Variants in SUN1 observed in about 807,000 individuals in gnomAD.
SUN1 encodes SUN domain-containing protein 1.
Under a neutral mutation model 103.2 loss-of-function variants are expected in SUN1, and 61 were observed. That is an observed-to-expected ratio of 0.59 (90% confidence interval 0.48 to 0.73). The LOEUF (loss-of-function observed/expected upper bound fraction) is 0.73, where lower values mean the gene tolerates loss of function less well. SUN1 is among the 30% of genes least tolerant of loss of function. The pLI is 0.00. For synonymous variants in SUN1, 490 were observed against 425.7 expected (o/e 1.15, Z -1.86); for missense variants, 1,052 against 1,034.6 (o/e 1.02, Z -0.23).
At chr7:846,192 T>A (rs1321905945) in intron 5 of SUN1, among the ~76,000 whole-genome samples, 1 of 151,908 alleles carries the variant, frequency 6.6e-6, no homozygotes, top group Non-Finnish European at 1.5e-5. Flanking sequence ...CACTGCAACC[T>A]CCACCTCCCG....
At chr7:860,094 A>AT in intron 13 of SUN1, 34 bp from the exon 14 acceptor site, 1 of 1,608,276 alleles carries the variant, frequency 6.2e-7, no homozygotes, top group Non-Finnish European at 8.5e-7. Flanking sequence ...TTTAGTTAAA[A>AT]TAGGACATTT....
intron 15 of SUN1, among the ~76,000 whole-genome samples, chr7:865,138 T>C (rs1268064122): frequency 1.3e-5 from 2 of 152,110 alleles, no homozygotes; most frequent in Non-Finnish European, 2.9e-5. Flanking sequence ...TCCATGTTTT[T>C]GCAAATGACA....
intron 1 of SUN1, among the ~76,000 whole-genome samples, chr7:826,303 C>CCGG (rs60167633): frequency 1.0e-3 from 155 of 152,230 alleles, no homozygotes; most frequent in African/African-American, 3.6e-3. Context: ...TTTGACAACC[C>CCGG]TGGTCTGGGG....
intron 5 of SUN1, among the ~76,000 whole-genome samples, chr7:845,426 G>A (rs1814560245): frequency 6.6e-6 from 1 of 152,170 alleles, no homozygotes; most frequent in Admixed American, 6.5e-5. Flanking sequence ...GCCAGGACTT[G>A]TGCGGCCCAC....
chr7:837,367 G>C (rs186378519), intron 1 of SUN1, among the ~76,000 whole-genome samples: 1 of 152,218 alleles, frequency 6.6e-6, no homozygotes, highest in Non-Finnish European at 1.5e-5. Flanking sequence ...AGTTAACCTC[G>C]TGTGCCTTTG....
chr7:827,703 T>A (rs1205359764), upstream of SUN1, among the ~76,000 whole-genome samples: 1 of 151,742 alleles, frequency 6.6e-6, no homozygotes, highest in Non-Finnish European at 1.5e-5. Context: ...CCTGACCTTG[T>A]GATCCTCCCA....
At chr7:847,382 G>A (rs145188226) in intron 5 of SUN1, among the ~76,000 whole-genome samples, 4,972 of 146,236 alleles carry the variant, frequency 0.034, 138 homozygotes, top group Non-Finnish European at 0.053. Flanking sequence ...GGGTTACTCC[G>A]CAGTCCAGTC....
intron 5 of SUN1, chr7:843,917 G>C (rs1360100662): frequency 9.6e-6 from 11 of 1,140,486 alleles, no homozygotes; most frequent in South Asian, 5.5e-5. Context: ...GGTTATGCCA[G>C]TGTTCGTGTC....
Position 857,957 on chromosome 7 carries a change from A to T in SUN1, c.1524A>T (p.Arg508Ser), listed in dbSNP as rs201410016. 1.3e-5 allele frequency: 21 copies of T among 1,556,222 alleles called. No individual in the cohort carries two copies. In the East Asian group the frequency reaches 3.5e-4, roughly 26 times the overall value. The change falls in exon 13 of 19, where the codon AGA (arginine) becomes AGT (serine). Residue 508 changes from arginine to serine, a missense_variant and splice_region_variant. This residue lies in a region of SUN1 where 846 missense variants were observed against 774.5 expected (regional missense o/e 1.09). Transcript: ENST00000401592. The stretch of plus-strand genomic sequence containing the variant: ...AGACAGTGGATGCCGTACAAGAAAG[A>T]GTGAGCTTTCTGCATGTTTACTTTT... ...GCETVDAVQE[R>S]VDVQVREMVK... is the part of the protein sequence containing the mutation.
chr7:833,787 GA>G (rs1352303994), intron 1 of SUN1, among the ~76,000 whole-genome samples: 1 of 152,200 alleles, frequency 6.6e-6, no homozygotes, highest in Non-Finnish European at 1.5e-5. Context: ...TGTTTTCTAA[GA>G]GTCCTGTAGT....
intron 1 of SUN1, among the ~76,000 whole-genome samples, chr7:821,157 T>C (rs1376086307): frequency 1.5e-5 from 2 of 131,966 alleles, no homozygotes; most frequent in Admixed American, 7.7e-5. Context: ...ATTCAGCACA[T>C]CTTTTTTTTT....
intron 15 of SUN1, among the ~76,000 whole-genome samples, chr7:863,068 G>A (rs1245382555): frequency 6.6e-6 from 1 of 152,194 alleles, no homozygotes; most frequent in African/African-American, 2.4e-5. Context: ...CGTGAACCCG[G>A]GAGGTGGAGC....
Position 874,293 on chromosome 7 carries a change from T to C in SUN1, c.*962T>C, listed in dbSNP as rs1200783378. On this transcript the variant is annotated 3_prime_UTR_variant, in exon 19 of 19. Transcript: ENST00000401592. Reference sequence around the variant, plus strand: ...TTACTGGCTGTGGCTGGAATCTGCCTTTTATCACAGCTGTCACCATTCTCA... The same window carrying C: ...TTACTGGCTGTGGCTGGAATCTGCCCTTTATCACAGCTGTCACCATTCTCA... 6.6e-6 allele frequency: 1 copy of C among 152,654 alleles called. No individual in the cohort carries two copies. The highest frequency in any genetic ancestry group is 1.5e-5 in the Non-Finnish European group (1 of 68,044). The allele number at this position is 152,654 out of a possible 1,614,324, so 9.5% of individuals were successfully genotyped here.
intron 1 of SUN1, among the ~76,000 whole-genome samples, chr7:837,373 C>T (rs1017172572): frequency 1.3e-5 from 2 of 152,206 alleles, no homozygotes; most frequent in Non-Finnish European, 2.9e-5. Context: ...CCTCGTGTGC[C>T]TTTGTCGGGC....
At chr7:843,738 C>G in intron 5 of SUN1, 2 of 1,423,848 alleles carry the variant, frequency 1.4e-6, no homozygotes, top group East Asian at 2.6e-5. Context: ...ATTTGAAATT[C>G]TATAAATTTG....
At chr7:830,861 G>C (rs1797283730), upstream of SUN1, 1 of 806,160 alleles carries the variant, frequency 1.2e-6, no homozygotes, top group South Asian at 5.6e-5. Flanking sequence ...TTGGGTTGTT[G>C]CTCGGCAGTG....
At chr7:862,562 T>C (rs540543620) in intron 15 of SUN1, among the ~76,000 whole-genome samples, 2 of 152,254 alleles carry the variant, frequency 1.3e-5, no homozygotes, top group Non-Finnish European at 2.9e-5. Flanking sequence ...CTTTTAGTTA[T>C]ATATTTTGAA....
At chr7:851,756 A>C (rs2128385578) in intron 6 of SUN1, 194 bp from the exon 7 acceptor site, 1 of 636,698 alleles carries the variant, frequency 1.6e-6, no homozygotes, top group Non-Finnish European at 2.7e-6. Context: ...CCTCTCCTGC[A>C]TTCTGTCCTG....
chr7:849,561 C>G, intron 5 of SUN1: 1 of 1,409,850 alleles, frequency 7.1e-7, no homozygotes, highest in South Asian at 1.1e-5. Flanking sequence ...GAGAGAGGTT[C>G]TCAGAGAGGA....
Sources: allele counts gnomAD v4.1 joint callset (sites outside exome capture counted in the v4.1 genomes callset), GRCh38; gene constraint gnomAD v4.1.1; regional missense constraint gnomAD v4.1.1; transcripts MANE v1.5; gene names NCBI Gene and HGNC (gene_info 2026-07-23, HGNC 2026-07-21).